PCDH9: variants seen among roughly 807,000 people sequenced by gnomAD.
PCDH9 encodes protocadherin 9.
PCDH9 carries 24 observed loss-of-function variants against 70.6 expected under a neutral mutation model. The observed-to-expected ratio is 0.34, with a 90% CI of 0.25 to 0.48. The LOEUF is 0.48. Among genes scored for constraint, PCDH9 ranks in the 20% least tolerant of loss-of-function variants. The pLI is 0.99. For missense variants in PCDH9, 1,281 were observed against 1,503.6 expected (o/e 0.85, Z 2.45); for synonymous variants, 562 against 558.5 (o/e 1.01, Z -0.09).
At chr13:66,371,264 A>G (rs1378035247) in intron 4 of PCDH9, among the ~76,000 whole-genome samples, 1 of 152,120 alleles carries the variant, frequency 6.6e-6, no homozygotes, top group African/African-American at 2.4e-5. Context: ...AAGTCAATCA[A>G]CATGGGAAAA....
intron 2 of PCDH9, among the ~76,000 whole-genome samples, chr13:67,077,743 G>T: frequency 6.6e-6 from 1 of 151,650 alleles, no homozygotes. Context: ...TTGTCAATCT[G>T]TTTCCCTCAC....
chr13:66,438,324 A>C (rs564544029), intron 4 of PCDH9, among the ~76,000 whole-genome samples: 2 of 152,148 alleles, frequency 1.3e-5, no homozygotes, highest in East Asian at 3.9e-4. Flanking sequence ...CTTTTTATTT[A>C]ATAAAAGAGT....
intron 4 of PCDH9, among the ~76,000 whole-genome samples, chr13:66,346,969 G>A (rs143718717): frequency 3.5e-3 from 538 of 152,186 alleles, no homozygotes; most frequent in Middle Eastern, 6.8e-3. Flanking sequence ...CCCCAATAAA[G>A]TCACTTCATT....
At chr13:66,528,823 G>C (rs371287891) in intron 4 of PCDH9, among the ~76,000 whole-genome samples, 1 of 151,936 alleles carries the variant, frequency 6.6e-6, no homozygotes, top group African/African-American at 2.4e-5. Flanking sequence ...TTTTTCTCTT[G>C]AATTTGTCCA....
At chr13:66,851,365 A>T (rs2081311731) in intron 3 of PCDH9, among the ~76,000 whole-genome samples, 1 of 152,218 alleles carries the variant, frequency 6.6e-6, no homozygotes, top group Non-Finnish European at 1.5e-5. Flanking sequence ...GTAGGTTTAT[A>T]CAATGATGAA....
At chr13:66,514,025 C>A (rs771293178) in intron 4 of PCDH9, among the ~76,000 whole-genome samples, 6 of 151,982 alleles carry the variant, frequency 3.9e-5, no homozygotes, top group Admixed American at 1.3e-4. Flanking sequence ...TGTTTTGTGA[C>A]CCCGAGTCCA....
intron 4 of PCDH9, among the ~76,000 whole-genome samples, chr13:66,612,578 A>G (rs2077305945): frequency 1.3e-5 from 2 of 152,350 alleles, no homozygotes; most frequent in East Asian, 3.9e-4. Context: ...TATTTAGAGC[A>G]TGCTTAGACT....
At chr13:66,975,047 T>C (rs2083590449) in intron 2 of PCDH9, among the ~76,000 whole-genome samples, 1 of 152,058 alleles carries the variant, frequency 6.6e-6, no homozygotes, top group Admixed American at 6.6e-5. Context: ...TGTACTAAAC[T>C]AATAAAAGAA....
chr13:66,786,574 A>G (rs1383226503), intron 3 of PCDH9, among the ~76,000 whole-genome samples: 1 of 152,160 alleles, frequency 6.6e-6, no homozygotes, highest in African/African-American at 2.4e-5. Context: ...CGAAGTACAA[A>G]TTTTCTTATC....
intron 3 of PCDH9, among the ~76,000 whole-genome samples, chr13:66,752,521 T>C (rs1021994607): frequency 6.6e-6 from 1 of 152,188 alleles, no homozygotes; most frequent in Non-Finnish European, 1.5e-5. Context: ...AGTCTAGAAC[T>C]CCTGAGCTGA....
At chr13:66,769,141 T>A (rs2079764185) in intron 3 of PCDH9, among the ~76,000 whole-genome samples, 1 of 151,932 alleles carries the variant, frequency 6.6e-6, no homozygotes, top group Admixed American at 6.6e-5. Flanking sequence ...CAATCAGCCA[T>A]CAAACAAACA....
intron 2 of PCDH9, among the ~76,000 whole-genome samples, chr13:66,991,790 A>T (rs2084007912): frequency 6.6e-6 from 1 of 152,148 alleles, no homozygotes; most frequent in Non-Finnish European, 1.5e-5. Flanking sequence ...CATGGAAAAT[A>T]ATAGTGTTTC....
Position 66,555,847 on chromosome 13 carries a change from A to G in PCDH9, c.3340+75363T>C, listed in dbSNP as rs555682379. ...GTCCCAATAAGTACCATGAAATTTT[A>G]AAAAACTCTAGATAATCGGTACTAC... On this transcript the variant is annotated intron_variant, in intron 4 of 4. Coordinates refer to ENST00000377865, the MANE Select transcript of PCDH9 (RefSeq NM_203487.3). Among the ~76,000 whole-genome samples, 11 of 150,376 alleles carry G rather than the reference A, an allele frequency of 7.3e-5. 2 individuals carry two copies. The South Asian group carries it at 2.1e-3, about 29-fold the overall frequency.
chr13:66,394,422 C>T (rs796828869), intron 4 of PCDH9, among the ~76,000 whole-genome samples: 2 of 152,056 alleles, frequency 1.3e-5, no homozygotes, highest in Admixed American at 6.6e-5. Flanking sequence ...AAAAGAAAAT[C>T]GGACTAAAAT....
intron 4 of PCDH9, among the ~76,000 whole-genome samples, chr13:66,549,539 A>T (rs527423229): frequency 3.2e-4 from 49 of 151,842 alleles, no homozygotes; most frequent in East Asian, 5.8e-4. Flanking sequence ...ATTTTTTTTT[A>T]AAAAAAGGTT....
chr13:67,202,708 T>C (rs1590522), intron 2 of PCDH9: 119,421 of 152,008 alleles, frequency 0.79, 48,179 homozygotes, highest in Middle Eastern at 0.91. Flanking sequence ...AAAACAGGGG[T>C]TTTGCATGGA....
intron 3 of PCDH9, among the ~76,000 whole-genome samples, chr13:66,796,362 C>T (rs1447585408): frequency 6.6e-6 from 1 of 152,096 alleles, no homozygotes; most frequent in Non-Finnish European, 1.5e-5. Flanking sequence ...AACAACATGT[C>T]AAGGGGATAT....
chr13:66,464,919 ATCT>A (rs975555090), intron 4 of PCDH9, among the ~76,000 whole-genome samples: 68 of 152,062 alleles, frequency 4.5e-4, no homozygotes, highest in Admixed American at 1.2e-3. Context: ...TTAATTTTTT[ATCT>A]TCTTCTCCTT....
chr13:67,222,264 A>C (rs1412406363), intron 2 of PCDH9: 1 of 143,178 alleles, frequency 7.0e-6, no homozygotes, highest in Non-Finnish European at 1.5e-5. Context: ...TTTACAAATA[A>C]TTACCGAGAC....
Sources: allele counts gnomAD v4.1 joint callset (sites outside exome capture counted in the v4.1 genomes callset), GRCh38; gene constraint gnomAD v4.1.1; transcripts MANE v1.5; gene names NCBI Gene and HGNC (gene_info 2026-07-23, HGNC 2026-07-21).